NPEPL1: variants seen among roughly 807,000 people sequenced by gnomAD.
NPEPL1 encodes the protein probable aminopeptidase NPEPL1.
A neutral mutation model predicts 52.4 loss-of-function variants in NPEPL1; 45 were observed. That is an observed-to-expected ratio of 0.86 (90% CI 0.68 to 1.10). The LOEUF (loss-of-function observed/expected upper bound fraction) is 1.10, where lower values mean the gene tolerates loss of function less well. NPEPL1 is among the 50% of genes least tolerant of loss of function. The pLI is 0.00. For synonymous variants in NPEPL1, 360 were observed against 314.7 expected (o/e 1.14, Z -1.52); for missense variants, 696 against 710.9 (o/e 0.98, Z 0.24).
intron 7 of NPEPL1, 53 bp from the exon 8 acceptor site, chr20:58,712,426 C>A (rs562046877): frequency 1.6e-5 from 20 of 1,240,980 alleles, no homozygotes; most frequent in South Asian, 9.8e-5. Flanking sequence ...CGTCCTCCCC[C>A]CTCCCCAAAC....
chr20:58,714,165 G>A (rs1334278965), intron 10 of NPEPL1, 72 bp downstream of exon 10: 4 of 1,486,184 alleles, frequency 2.7e-6, no homozygotes, highest in South Asian at 1.3e-5. Flanking sequence ...TGCCTTCAGG[G>A]TGCTGGTGCA....
chr20:58,711,216 ATCTCTGTGGCGTCCATGG>A (rs2084835052), intron 7 of NPEPL1: 1 of 149,534 alleles, frequency 6.7e-6, no homozygotes, highest in African/African-American at 2.5e-5. Context: ...GGTGGAGCTC[ATCTCTGTGGCGTCCATGG>A]CCTGGAGCCC....
At chr20:58,714,887 G>A (rs2084922850) in intron 11 of NPEPL1, 2 of 609,972 alleles carry the variant, frequency 3.3e-6, no homozygotes, top group African/African-American at 1.9e-5. Flanking sequence ...CCTCCATAGG[G>A]GATCCTGGGC....
rs765446444 is a variant in NPEPL1, at chr20:58,694,427, C to T, written c.342C>T (p.Val114=). Residue 114 remains valine (V), a synonymous_variant, in exon 3 of 12, where the codon GTC becomes GTT. Transcript: ENST00000356091. ...CGTCTCCCTATGTGCCACAGATGGT[C>T]TGCGAGCAGCCGGAGGTCTTTGCTT... ...PPGAHRCIVM[V]CEQPEVFASA... is the part of the protein sequence containing the mutation. 6.2e-7 allele frequency: 1 copy of T among 1,608,364 alleles called. No homozygotes were observed. The highest frequency in any genetic ancestry group is 2.2e-5 in the East Asian group (1 of 44,794).
At chr20:58,693,957 C>T in intron 2 of NPEPL1, 35 bp downstream of exon 2, 1 of 1,521,324 alleles carries the variant, frequency 6.6e-7, no homozygotes, top group South Asian at 1.2e-5. Flanking sequence ...CACGGTGCTC[C>T]TAGTCGGGCA....
Position 58,713,957 on chromosome 20 carries a change from A to G in NPEPL1, c.1166A>G (p.Asn389Ser). 6.6e-7 allele frequency: 1 copy of G among 1,515,708 alleles called. No individual in the cohort carries two copies. Among genetic ancestry groups the G allele is most frequent in the Non-Finnish European group, 8.8e-7 (1 of 1,135,808 alleles). 93.9% of individuals were successfully genotyped at this position (1,515,708 alleles called of 1,614,324 possible). ...AAGTACCACGCCGCGGTGCTCACCA[A>G]CAGCGCTGAGTGGGAGGCCGCCTGT... is the stretch of plus-strand genomic sequence containing the variant. ...TGKYHAAVLT[N>S]SAEWEAACVK... Residue 389 changes from asparagine to serine, a missense_variant, in exon 10 of 12, where the codon AAC (asparagine) becomes AGC (serine). Asn to Ser is a conservative substitution (Grantham distance 46). Transcript: ENST00000356091. This position sits in a 1 kb window ranked among gnomAD's most constrained non-coding sequence, Gnocchi z 4.6.
At chr20:58,689,552 G>A (rs147702794), upstream of NPEPL1, among the ~76,000 whole-genome samples, 46 of 152,194 alleles carry the variant, frequency 3.0e-4, no homozygotes, top group Non-Finnish European at 6.0e-4. Flanking sequence ...TGAGCCACGG[G>A]GCCTGGTTCC....
chr20:58,697,331 G>A (rs1050632823), intron 3 of NPEPL1, among the ~76,000 whole-genome samples: 2 of 152,232 alleles, frequency 1.3e-5, no homozygotes, highest in African/African-American at 2.4e-5. Flanking sequence ...GGTGACACCT[G>A]GCCTCCTTGG....
At chr20:58,707,683 C>G (rs1290476263) in intron 7 of NPEPL1, among the ~76,000 whole-genome samples, 1 of 132,960 alleles carries the variant, frequency 7.5e-6, no homozygotes, top group Non-Finnish European at 1.6e-5. Context: ...ATGCTTAGCC[C>G]TTGCTCAGTG....
rs765285554 is a variant in NPEPL1 at position 58,714,628 on chromosome 20, C to T, written c.1371C>T (p.Pro457=). Residue 457 remains proline, a synonymous_variant, in exon 11 of 12, where the codon CCC becomes CCT. Coordinates refer to ENST00000356091, the MANE Select transcript of NPEPL1 (RefSeq NM_024663.4). ...FIASHIGFDW[P]GVWVHLDIAA... Reference sequence around the variant, plus strand: ...CCTCACACATCGGCTTCGACTGGCCCGGAGTCTGGGTCCACCTGGACATTG... The same window carrying T: ...CCTCACACATCGGCTTCGACTGGCCTGGAGTCTGGGTCCACCTGGACATTG... The T allele has an allele frequency of 1.4e-5, 23 of 1,596,622 alleles. No individual in the cohort carries two copies. Among genetic ancestry groups the T allele is most frequent in the South Asian group, 3.4e-5 (3 of 88,416 alleles).
At chr20:58,707,756 G>T (rs1477034017) in intron 7 of NPEPL1, among the ~76,000 whole-genome samples, 1 of 152,136 alleles carries the variant, frequency 6.6e-6, no homozygotes, top group Non-Finnish European at 1.5e-5. Flanking sequence ...TTCCCATGGA[G>T]CCCAGATGTC....
At chr20:58,693,205 A>G (rs1026048989) in intron 1 of NPEPL1, 155 bp downstream of exon 1, 3 of 434,194 alleles carry the variant, frequency 6.9e-6, no homozygotes, top group African/African-American at 6.4e-5. Flanking sequence ...CCGCCAGGCC[A>G]GTCCTCGCCC....
At chr20:58,704,541 A>G in intron 6 of NPEPL1, 1 of 296,058 alleles carries the variant, frequency 3.4e-6, no homozygotes, top group Non-Finnish European at 5.0e-6. Flanking sequence ...TAATTTTATG[A>G]AGATAAGCAT....
At chr20:58,693,561 G>A in intron 1 of NPEPL1, 176 bp from the exon 2 acceptor site, 1 of 567,754 alleles carries the variant, frequency 1.8e-6, no homozygotes. Context: ...CCTAGAGACA[G>A]TTAGCTCTGC....
Position 58,698,749 on chromosome 20 carries a change from G to A in NPEPL1, c.573G>A (p.Glu191=). The change falls in exon 4 of 12, where the codon GAG becomes GAA. Residue 191 remains glutamate (E), a synonymous_variant. Coordinates refer to ENST00000356091, the MANE Select transcript of NPEPL1 (RefSeq NM_024663.4). ...AARIVDTPCN[E]MNTDTFLEEI... is the part of the protein sequence containing the mutation. ...GCATCGTGGACACACCCTGCAATGA[G>A]ATGAACACCGACACCTTCCTCGAGG... The A allele has an allele frequency of 3.1e-6, 5 of 1,612,876 alleles. No individual in the cohort carries two copies. Among genetic ancestry groups the A allele is most frequent in the Non-Finnish European group, 3.4e-6 (4 of 1,179,834 alleles).
chr20:58,714,463 G>A, intron 10 of NPEPL1, 97 bp from the exon 11 acceptor site: 2 of 874,768 alleles, frequency 2.3e-6, no homozygotes, highest in Non-Finnish European at 3.4e-6. Context: ...GCCACCCCGA[G>A]CTCCTTGCAG....
At chr20:58,711,096 T>TCCTCCC (rs1555851542) in intron 7 of NPEPL1, 2 of 43,078 alleles carry the variant, frequency 4.6e-5, no homozygotes, top group African/African-American at 2.7e-4. Flanking sequence ...CCTCCTCTCC[T>TCCTCCC]CCTCCTCCTC....
chr20:58,706,732 C>G (rs62203767), intron 6 of NPEPL1, among the ~76,000 whole-genome samples: 46,973 of 152,044 alleles, frequency 0.31, 8,216 homozygotes, highest in Non-Finnish European at 0.39. Flanking sequence ...CGTGGCAGCC[C>G]GGGACTGAGG....
In NPEPL1 at chr20:58,701,190, G is replaced by GGGGGA. The variant is rs779219931; in HGVS notation, c.822+43_822+47dup. On this transcript the variant is annotated intron_variant, in intron 6 of 11. Transcript: ENST00000356091. ...TGCGGGCTGGCTCTCAGGGTGCCCT[G>GGGGGA]GGGGAGGGGAGGGGAAGGTGAGGTG... The GGGGGA allele has an allele frequency of 8.9e-6, 13 of 1,466,378 alleles. No homozygotes were observed. The East Asian group carries it at 2.0e-4, about 23-fold the overall frequency. The allele number at this position is 1,466,378 out of a possible 1,614,324, so 90.8% of individuals were successfully genotyped here.
Sources: gnomAD v4.1 joint callset for allele counts (sites outside exome capture counted in the v4.1 genomes callset) on GRCh38, gnomAD v4.1.1 for gene constraint, Gnocchi (gnomAD v3.1) non-coding constraint, MANE v1.5 for transcripts, NCBI Gene and HGNC (gene_info 2026-07-23, HGNC 2026-07-21) for gene names.